Variants in TMEM132B observed in about 807,000 individuals in gnomAD.
TMEM132B encodes the protein transmembrane protein 132B.
In TMEM132B, 18 loss-of-function variants were observed where a neutral mutation model predicts 90.8. The observed-to-expected ratio is 0.20, with a 90% CI of 0.14 to 0.29. The LOEUF is 0.29. Among genes scored for constraint, TMEM132B ranks in the 10% least tolerant of loss-of-function variants. The pLI is 1.00. For missense variants in TMEM132B, 1,096 were observed against 1,326.8 expected, an observed-to-expected ratio of 0.83 and a Z score of 2.70; for synonymous variants, 504 against 523.3, an observed-to-expected ratio of 0.96 and a Z score of 0.50.
At chr12:125,265,329 A>G (rs746332066) in intron 1 of TMEM132B, among the ~76,000 whole-genome samples, 4 of 148,120 alleles carry the variant, frequency 2.7e-5, no homozygotes, top group Non-Finnish European at 5.9e-5. Context: ...ATACATACAT[A>G]CCTATGATAA....
intron 1 of TMEM132B, among the ~76,000 whole-genome samples, chr12:125,272,450 G>A (rs1874865062): frequency 6.6e-6 from 1 of 152,144 alleles, no homozygotes; most frequent in Admixed American, 6.5e-5. Flanking sequence ...CCAGCGATTG[G>A]CAAGAGGCAG....
chr12:125,566,442 A>AT (rs1884659570), intron 4 of TMEM132B, among the ~76,000 whole-genome samples: 1 of 152,100 alleles, frequency 6.6e-6, no homozygotes, highest in South Asian at 2.1e-4. Flanking sequence ...ATGTTTTCTG[A>AT]TTTTTGTTGA....
rs184944957 is a variant in TMEM132B, at chr12:125,405,528, A to C, written c.960-10003A>C. On this transcript the variant is annotated intron_variant, in intron 2 of 8. Transcript: ENST00000682704. ...TTTTTTCATCATTTGAGAGAGGAGG[A>C]GTCTGTACTGCACCAAGAGTCAATG... 3.3e-4 allele frequency among the ~76,000 whole-genome samples: 51 copies of C among 152,264 alleles called. No individual in the cohort carries two copies. The Middle Eastern group carries it at 0.01, about 30-fold the overall frequency.
At chr12:125,562,462 G>C (rs1884557180) in intron 4 of TMEM132B, among the ~76,000 whole-genome samples, 1 of 152,152 alleles carries the variant, frequency 6.6e-6, no homozygotes, top group Non-Finnish European at 1.5e-5. Flanking sequence ...GGTGCCAAAG[G>C]CCTCTCTTTT....
chr12:125,296,182 C>T (rs969868770), intron 1 of TMEM132B, among the ~76,000 whole-genome samples: 2 of 152,208 alleles, frequency 1.3e-5, no homozygotes, highest in Admixed American at 6.5e-5. Flanking sequence ...GGTGGCCCCA[C>T]GGCCCAGTAC....
At chr12:125,261,645 G>A (rs61943077) in intron 1 of TMEM132B, among the ~76,000 whole-genome samples, 43,136 of 152,050 alleles carry the variant, frequency 0.28, 6,556 homozygotes, top group Middle Eastern at 0.37. Context: ...ATTAACCAAC[G>A]GATTTTATTG....
intron 1 of TMEM132B, among the ~76,000 whole-genome samples, chr12:125,222,708 G>C (rs1312873508): frequency 1.3e-5 from 2 of 152,162 alleles, no homozygotes; most frequent in East Asian, 3.8e-4. Context: ...ATCTTTGATT[G>C]TGGGGCTGTC....
intron 3 of TMEM132B, among the ~76,000 whole-genome samples, chr12:125,504,111 G>A (rs934342575): frequency 1.3e-5 from 2 of 152,136 alleles, no homozygotes; most frequent in African/African-American, 4.8e-5. Context: ...TCTTCACTTA[G>A]GGAGATTTAC....
chr12:125,581,630 C>T (rs773593690), intron 4 of TMEM132B, among the ~76,000 whole-genome samples: 2 of 151,986 alleles, frequency 1.3e-5, no homozygotes, highest in Non-Finnish European at 2.9e-5. Flanking sequence ...AAAAATGAAA[C>T]ATTGTCACTA....
chr12:125,561,520 T>C (rs1007343309), intron 4 of TMEM132B, among the ~76,000 whole-genome samples: 1 of 151,998 alleles, frequency 6.6e-6, no homozygotes, highest in Admixed American at 6.6e-5. Context: ...TAAGGTATAA[T>C]AAAAAAATTA....
chr12:125,430,056 G>C lies in TMEM132B; in HGVS notation c.1106+14379G>C, dbSNP rs183683892. On this transcript the variant is annotated intron_variant, in intron 3 of 8. Transcript: ENST00000682704. Reference sequence around the variant, plus strand: ...AGTCCTTGAGCTCTGGGAGTGAAGGGACTGTGTTTCCTTCCACAATGAATC... The same window carrying C: ...AGTCCTTGAGCTCTGGGAGTGAAGGCACTGTGTTTCCTTCCACAATGAATC... Among the ~76,000 whole-genome samples, 7 of 152,322 alleles carry C rather than the reference G, an allele frequency of 4.6e-5. No individual in the cohort carries two copies. The East Asian group carries it at 1.4e-3, about 29-fold the overall frequency.
At chr12:125,496,916 T>A (rs772799302) in intron 3 of TMEM132B, among the ~76,000 whole-genome samples, 76 of 152,264 alleles carry the variant, frequency 5.0e-4, no homozygotes, top group Non-Finnish European at 1.0e-3. Context: ...ATTCTAGTCA[T>A]GCCTCCCTCA....
At chr12:125,295,238 C>T (rs1458912193) in intron 1 of TMEM132B, among the ~76,000 whole-genome samples, 1 of 152,212 alleles carries the variant, frequency 6.6e-6, no homozygotes, top group South Asian at 2.1e-4. Flanking sequence ...TGGGAGAGCA[C>T]TCCGTGGCTG....
Position 125,415,757 on chromosome 12 carries a change from C to T in TMEM132B, c.1106+80C>T, listed in dbSNP as rs1468069023. 16 of 1,540,348 alleles carry T rather than the reference C, an allele frequency of 1.0e-5. No homozygotes were observed. The East Asian group carries it at 2.3e-4, about 22-fold the overall frequency. On this transcript the variant is annotated intron_variant, in intron 3 of 8. Coordinates refer to ENST00000682704, the MANE Select transcript of TMEM132B (RefSeq NM_001366854.1). The surrounding 1 kb of genome is among the most constrained non-coding windows in gnomAD (Gnocchi z 5.3). ...CCAGAGCTGATAGCAAAATAATGTG[C>T]GTGTGGATAAAGCGATGCCTCTGCG...
At chr12:125,231,380 G>A (rs1167499675) in intron 1 of TMEM132B, among the ~76,000 whole-genome samples, 1 of 152,122 alleles carries the variant, frequency 6.6e-6, no homozygotes, top group African/African-American at 2.4e-5. Flanking sequence ...GAGGTGAAGG[G>A]GCCACTGTTC....
At chr12:125,343,260 G>A (rs1334495277) in intron 1 of TMEM132B, among the ~76,000 whole-genome samples, 2 of 152,184 alleles carry the variant, frequency 1.3e-5, no homozygotes, top group Admixed American at 6.5e-5. Context: ...TAAAGGTAGG[G>A]ATCACTGGCT....
At chr12:125,506,989 G>C (rs1882862639) in intron 3 of TMEM132B, among the ~76,000 whole-genome samples, 1 of 152,234 alleles carries the variant, frequency 6.6e-6, no homozygotes, top group South Asian at 2.1e-4. Context: ...CTGCAGGGCA[G>C]AGGGAAACTC....
chr12:125,646,805 T>G (rs1216706448), intron 6 of TMEM132B, among the ~76,000 whole-genome samples: 3 of 152,196 alleles, frequency 2.0e-5, no homozygotes, highest in Non-Finnish European at 4.4e-5. Context: ...CTGAAAAAAT[T>G]CATTTGTCAT....
chr12:125,559,480 G>T (rs536175715), intron 4 of TMEM132B, among the ~76,000 whole-genome samples: 1 of 152,308 alleles, frequency 6.6e-6, no homozygotes, highest in East Asian at 1.9e-4. Context: ...TATCCCAGGA[G>T]AAATATTTAC....
Sources: allele counts gnomAD v4.1 joint callset (sites outside exome capture counted in the v4.1 genomes callset), GRCh38; gene constraint gnomAD v4.1.1; non-coding constraint Gnocchi (gnomAD v3.1); transcripts MANE v1.5; gene names NCBI Gene and HGNC (gene_info 2026-07-23, HGNC 2026-07-21).